PCSK9: variants seen among roughly 807,000 people sequenced by gnomAD.
PCSK9 encodes the protein proprotein convertase subtilisin/kexin type 9, also known as convertase subtilisin/kexin type 9 preproprotein.
Under a neutral mutation model 62.1 loss-of-function variants are expected in PCSK9, and 57 were observed. That is an observed-to-expected ratio of 0.92 (90% confidence interval 0.74 to 1.14). PCSK9 has a LOEUF of 1.14. Among genes scored for constraint, PCSK9 ranks in the 50% most tolerant of loss-of-function variants. The pLI, the probability that PCSK9 is intolerant of heterozygous loss-of-function variation, is 0.00. For synonymous variants in PCSK9, 387 were observed against 409.4 expected (o/e 0.95, Z 0.66); for missense variants, 870 against 959.8 (o/e 0.91, Z 1.24).
chr1:55,042,805 A>C (rs1644606583), intron 1 of PCSK9, among the ~76,000 whole-genome samples: 1 of 152,208 alleles, frequency 6.6e-6, no homozygotes, highest in African/African-American at 2.4e-5. Flanking sequence ...TCTCATGTGG[A>C]AATTTGGTCC....
At chr1:55,043,160 G>T (rs1383700451) in intron 1 of PCSK9, among the ~76,000 whole-genome samples, 2 of 152,124 alleles carry the variant, frequency 1.3e-5, no homozygotes, top group African/African-American at 2.4e-5. Context: ...TCACCTTCAG[G>T]TATTCCTTTA....
rs968399799 is a variant in PCSK9, at chr1:55,040,696, C to T, written c.207+652C>T. 2.0e-5 allele frequency among the ~76,000 whole-genome samples: 3 copies of T among 152,220 alleles called. No individual in the cohort carries two copies. Among genetic ancestry groups the T allele is most frequent in the African/African-American group, 7.2e-5 (3 of 41,468 alleles). Reference sequence around the variant, plus strand: ...AGGGGAGAAGGGGCGGAGGTATTCTCGAGGCCCATTGGCGTCCTTTAGGAC... The same window carrying T: ...AGGGGAGAAGGGGCGGAGGTATTCTTGAGGCCCATTGGCGTCCTTTAGGAC... On this transcript the variant is annotated intron_variant, in intron 1 of 11. Transcript: ENST00000302118. The surrounding 1 kb of genome is among the most constrained non-coding windows in gnomAD (Gnocchi z 4.1).
intron 1 of PCSK9, 64 bp from the exon 2 acceptor site, chr1:55,043,779 A>G: frequency 6.4e-7 from 1 of 1,570,068 alleles, no homozygotes. Flanking sequence ...GGGGTGAGAT[A>G]AAGTACACCT....
chr1:55,054,394 A>C (rs1009988485), intron 5 of PCSK9, among the ~76,000 whole-genome samples: 5 of 152,124 alleles, frequency 3.3e-5, no homozygotes, highest in Admixed American at 6.5e-5. Flanking sequence ...AAAATAAATA[A>C]GTAAATAACT....
At position 55,063,591 on chromosome 1, in the gene PCSK9, C is replaced by T; in HGVS notation, c.*7C>T. On this transcript the variant is annotated 3_prime_UTR_variant, in exon 12 of 12. Transcript: ENST00000302118. ...CTCCCAGGAGCTCCAGTGACAGCCC[C>T]ATCCCAGGATGGGTGTCTGGGGAGG... 1 of 1,610,774 alleles carries T rather than the reference C, an allele frequency of 6.2e-7. No individual in the cohort carries two copies. Among genetic ancestry groups the T allele is most frequent in the South Asian group, 1.1e-5 (1 of 90,762 alleles).
In PCSK9 at chr1:55,049,661, G is replaced by T. The variant is rs146741639; in HGVS notation, c.524-2617G>T. On this transcript the variant is annotated intron_variant, in intron 3 of 11. Coordinates refer to ENST00000302118, the MANE Select transcript of PCSK9 (RefSeq NM_174936.4). ...CTTTCCAGCCTCTCACTGGAAGGAA[G>T]CCCAAGGATGTTCCTGTGGGGGCTT... Among the ~76,000 whole-genome samples the T allele has an allele frequency of 7.8e-3, 1,195 of 152,324 alleles. 10 individuals are homozygous for T. Among genetic ancestry groups the T allele is most frequent in the South Asian group, 0.014 (69 of 4,832 alleles).
intron 1 of PCSK9, among the ~76,000 whole-genome samples, chr1:55,041,432 G>T (rs1644597485): frequency 1.3e-5 from 2 of 152,136 alleles, no homozygotes; most frequent in Admixed American, 1.3e-4. Context: ...AGTTACCACT[G>T]CTCCAAAACA....
At chr1:55,052,923 A>G in intron 5 of PCSK9, 132 bp downstream of exon 5, 1 of 1,469,788 alleles carries the variant, frequency 6.8e-7, no homozygotes, top group South Asian at 1.2e-5. Context: ...AGAGCCAGAG[A>G]ACCAGAGTGC....
intron 1 of PCSK9, among the ~76,000 whole-genome samples, chr1:55,041,778 C>T (rs898643877): frequency 6.6e-6 from 1 of 152,130 alleles, no homozygotes; most frequent in Non-Finnish European, 1.5e-5. Context: ...CCAATTCATT[C>T]AATTTTTATT....
intron 6 of PCSK9, among the ~76,000 whole-genome samples, chr1:55,056,724 C>G (rs990283924): frequency 6.6e-6 from 1 of 152,164 alleles, no homozygotes; most frequent in African/African-American, 2.4e-5. Flanking sequence ...GACACAGACA[C>G]GGAGCCTCGG....
intron 3 of PCSK9, chr1:55,051,668 A>AGATCTC: frequency 4.6e-6 from 1 of 215,124 alleles, no homozygotes. Context: ...AGTGTAGGGT[A>AGATCTC]GGCGCTCGGT....
chr1:55,042,459 G>C (rs1644604207), intron 1 of PCSK9, among the ~76,000 whole-genome samples: 1 of 152,218 alleles, frequency 6.6e-6, no homozygotes, highest in Admixed American at 6.5e-5. Flanking sequence ...AGCAGACTCT[G>C]ATTGCCCATT....
At chr1:55,048,514 G>C (rs1053376394) in intron 3 of PCSK9, among the ~76,000 whole-genome samples, 5 of 152,192 alleles carry the variant, frequency 3.3e-5, no homozygotes, top group Middle Eastern at 3.2e-3. Context: ...CCGAGTGTCT[G>C]TGGGAGGTGG....
chr1:55,047,505 C>A (rs764764062), intron 3 of PCSK9, among the ~76,000 whole-genome samples: 32 of 152,156 alleles, frequency 2.1e-4, no homozygotes, highest in Non-Finnish European at 3.5e-4. Context: ...CTTTGTCGTT[C>A]TTGTCTGTAA....
chr1:55,054,019 C>T (rs1644694838), intron 5 of PCSK9, among the ~76,000 whole-genome samples: 1 of 152,224 alleles, frequency 6.6e-6, no homozygotes, highest in African/African-American at 2.4e-5. Context: ...ACTGCCATTT[C>T]CTCCTCTGTA....
At chr1:55,057,651 G>A in intron 7 of PCSK9, 137 bp downstream of exon 7, 1 of 1,116,468 alleles carries the variant, frequency 9.0e-7, no homozygotes, top group South Asian at 1.3e-5. Context: ...TGCCTTCAAG[G>A]ACACTCAGTC....
rs762792417 is a variant in PCSK9 at position 55,046,588 on chromosome 1, G to A, written c.465G>A (p.Pro155=). ...EDSSVFAQSI[P]WNLERITPPR... is the part of the protein sequence containing the mutation. The stretch of plus-strand genomic sequence containing the variant: ...CCTCTGTCTTTGCCCAGAGCATCCC[G>A]TGGAACCTGGAGCGGATTACCCCTC... The change falls in exon 3 of 12, where the codon CCG becomes CCA. Residue 155 remains proline (P), a synonymous_variant. Coordinates refer to ENST00000302118, the MANE Select transcript of PCSK9 (RefSeq NM_174936.4). The A allele has an allele frequency of 7.4e-6, 12 of 1,614,002 alleles. No homozygotes were observed. In the Admixed American group the frequency reaches 1.0e-4, roughly 13 times the overall value.
intron 9 of PCSK9, among the ~76,000 whole-genome samples, chr1:55,058,931 C>T (rs538452399): frequency 2.6e-4 from 40 of 152,326 alleles, no homozygotes; most frequent in Non-Finnish European, 3.5e-4. Context: ...TGTGAGCGTG[C>T]GGCAGGGCCG....
chr1:55,045,182 C>T (rs1431966337), intron 2 of PCSK9, among the ~76,000 whole-genome samples: 2 of 152,062 alleles, frequency 1.3e-5, no homozygotes, highest in African/African-American at 4.8e-5. Context: ...GGCACGAGCC[C>T]CACAGGCCAG....
Sources: gnomAD v4.1 joint callset for allele counts (sites outside exome capture counted in the v4.1 genomes callset) on GRCh38, gnomAD v4.1.1 for gene constraint, Gnocchi (gnomAD v3.1) non-coding constraint, MANE v1.5 for transcripts, NCBI Gene and HGNC (gene_info 2026-07-23, HGNC 2026-07-21) for gene names.